RNF220: variants seen among roughly 807,000 people sequenced by gnomAD.
The protein encoded by RNF220 is E3 ubiquitin-protein ligase RNF220.
In RNF220, 7 loss-of-function variants were observed where a neutral mutation model predicts 67.1. The ratio of observed to expected loss-of-function variants is 0.10; its 90% CI spans 0.06 to 0.20. RNF220 has a LOEUF of 0.20. Ranked by LOEUF, RNF220 falls within the 10% of genes least tolerant of loss-of-function variation. The pLI, the probability that RNF220 is intolerant of heterozygous loss-of-function variation, is 1.00. For missense variants in RNF220, 565 were observed against 740.3 expected (o/e 0.76, Z 2.75); for synonymous variants, 270 against 283.2 (o/e 0.95, Z 0.47).
At chr1:44,436,004 C>T (rs1453591081) in intron 2 of RNF220, among the ~76,000 whole-genome samples, 1 of 152,088 alleles carries the variant, frequency 6.6e-6, no homozygotes, top group Non-Finnish European at 1.5e-5. Flanking sequence ...CAGCTCAGTT[C>T]TTCCCTCTGA....
chr1:44,596,034 G>C (rs1346383907), intron 2 of RNF220, among the ~76,000 whole-genome samples: 1 of 152,216 alleles, frequency 6.6e-6, no homozygotes, highest in Non-Finnish European at 1.5e-5. Flanking sequence ...AAAGTGCTGG[G>C]ATTACGGGCG....
intron 2 of RNF220, among the ~76,000 whole-genome samples, chr1:44,551,143 GGC>G (rs1662597168): frequency 1.9e-5 from 1 of 51,854 alleles, no homozygotes; most frequent in Admixed American, 2.2e-4. Flanking sequence ...TTTTTTTTGA[GGC>G]GCTCTGTCGC....
intron 2 of RNF220, among the ~76,000 whole-genome samples, chr1:44,483,416 A>C (rs1421982484): frequency 6.6e-6 from 1 of 152,210 alleles, no homozygotes; most frequent in Non-Finnish European, 1.5e-5. Flanking sequence ...TTTAGAAAGC[A>C]TCTCAACAAT....
Position 44,633,156 on chromosome 1 carries a change from G to A in RNF220, c.949+771G>A, listed in dbSNP as rs1443296451. ...CCCCAGCTCTTATCACTTGGTTTCT[G>A]CTGCCAGGCTGAGCCCTAGTCTGGA... On this transcript the variant is annotated intron_variant, in intron 6 of 14. Transcript: ENST00000361799. Among the ~76,000 whole-genome samples the A allele has an allele frequency of 2.0e-5, 3 of 152,326 alleles. No individual in the cohort carries two copies. The East Asian group carries it at 5.8e-4, about 29-fold the overall frequency.
At chr1:44,485,910 C>T (rs1230161878) in intron 2 of RNF220, among the ~76,000 whole-genome samples, 1 of 148,556 alleles carries the variant, frequency 6.7e-6, no homozygotes, top group Non-Finnish European at 1.5e-5. Flanking sequence ...AAATGTTCCC[C>T]TTATTATACC....
chr1:44,588,057 T>C (rs551229560), intron 2 of RNF220, among the ~76,000 whole-genome samples: 2 of 152,174 alleles, frequency 1.3e-5, no homozygotes, highest in South Asian at 2.1e-4. Flanking sequence ...CCCGCTAGAG[T>C]GAACACCTTA....
chr1:44,407,823 G>A (rs1647536629), intron 1 of RNF220, among the ~76,000 whole-genome samples: 1 of 152,178 alleles, frequency 6.6e-6, no homozygotes, highest in African/African-American at 2.4e-5. Context: ...GGTGGTGCGC[G>A]CGGCGGCGGG....
intron 5 of RNF220, chr1:44,627,161 A>T (rs1643974673): frequency 6.6e-6 from 1 of 151,108 alleles, no homozygotes; most frequent in African/African-American, 2.4e-5. Context: ...CCTGGCCAAC[A>T]TGGTGAAACC....
Position 44,417,485 on chromosome 1 carries a change from G to A in RNF220, c.625+4763G>A, listed in dbSNP as rs1029779412. ...TGGCTCGGCGCGCCGCTCGCCTGGC[G>A]GCTGGGCTCGCTGTAGTTGTGCTCC... On this transcript the variant is annotated intron_variant, in intron 2 of 14. Coordinates refer to ENST00000361799, the MANE Select transcript of RNF220 (RefSeq NM_018150.4). The surrounding 1 kb of genome is among the most constrained non-coding windows in gnomAD (Gnocchi z 4.0). Among the ~76,000 whole-genome samples the A allele has an allele frequency of 6.6e-6, 1 of 151,948 alleles. No homozygotes were observed. The highest frequency in any genetic ancestry group is 1.5e-5 in the Non-Finnish European group (1 of 67,984).
At chr1:44,458,812 G>A (rs1653462995) in intron 2 of RNF220, among the ~76,000 whole-genome samples, 1 of 152,236 alleles carries the variant, frequency 6.6e-6, no homozygotes, top group Non-Finnish European at 1.5e-5. Context: ...AGTGGAAGTA[G>A]TATATGTGTG....
At chr1:44,632,303 CTCTTT>C (rs756995280) in intron 5 of RNF220, 35 bp from the exon 6 acceptor site, 21 of 1,614,036 alleles carry the variant, frequency 1.3e-5, no homozygotes, top group African/African-American at 5.3e-5. Flanking sequence ...GCCTGACGCT[CTCTTT>C]TCTTTTCTTG....
At chr1:44,434,505 G>A (rs533235673) in intron 2 of RNF220, among the ~76,000 whole-genome samples, 52 of 152,118 alleles carry the variant, frequency 3.4e-4, no homozygotes, top group African/African-American at 1.2e-3. Flanking sequence ...TCAGGAGATC[G>A]AGACCATCCT....
rs1287590580 is a variant in RNF220, at chr1:44,624,494, G to A, written c.804+1707G>A. Among the ~76,000 whole-genome samples, 1 of 152,174 alleles carries A rather than the reference G, an allele frequency of 6.6e-6. No individual in the cohort carries two copies. The highest frequency in any genetic ancestry group is 2.4e-5 in the African/African-American group (1 of 41,430). On this transcript the variant is annotated intron_variant, in intron 4 of 14. Coordinates refer to ENST00000361799, the MANE Select transcript of RNF220 (RefSeq NM_018150.4). This position sits in a 1 kb window ranked among gnomAD's most constrained non-coding sequence, Gnocchi z 4.2. ...CTGAAACCACAGACACAGGCATACT[G>A]ACCATGAGACACAGAGATAAGGGAC...
chr1:44,505,313 A>G (rs1393850834), intron 2 of RNF220, among the ~76,000 whole-genome samples: 1 of 152,234 alleles, frequency 6.6e-6, no homozygotes, highest in African/African-American at 2.4e-5. Flanking sequence ...CGAGCTTTGT[A>G]GGTCCTGGCT....
chr1:44,639,296 G>A lies in RNF220; in HGVS notation c.1126+3134G>A, dbSNP rs368286791. 6.6e-5 allele frequency among the ~76,000 whole-genome samples: 10 copies of A among 152,340 alleles called. No homozygotes were observed. The East Asian group carries it at 1.3e-3, about 21-fold the overall frequency. ...CTGGATCCTGGAGAAGAGACCTATA[G>A]TGGTGAACCATGGTCCCTCCTGTGT... On this transcript the variant is annotated intron_variant, in intron 8 of 14. Transcript: ENST00000361799.
chr1:44,520,126 T>TGA (rs1265566303), intron 2 of RNF220, among the ~76,000 whole-genome samples: 488 of 132,808 alleles, frequency 3.7e-3, no homozygotes, highest in African/African-American at 1.0e-2. Flanking sequence ...TGTGTGTGTG[T>TGA]GTGAGAGAGA....
chr1:44,534,056 C>G (rs180915721), intron 2 of RNF220, among the ~76,000 whole-genome samples: 1 of 152,260 alleles, frequency 6.6e-6, no homozygotes, highest in East Asian at 1.9e-4. Flanking sequence ...ACTTACTATA[C>G]CTTGGCCTCC....
In RNF220 at chr1:44,565,608, T is replaced by A. The variant is rs746002106; in HGVS notation, c.626-48557T>A. ...GGGGAGGTTGCATGGAGGGCAAGCA[T>A]GCCCCGCAGCTGGGGAGGGTGGGGG... On this transcript the variant is annotated intron_variant, in intron 2 of 14. Coordinates refer to ENST00000361799, the MANE Select transcript of RNF220 (RefSeq NM_018150.4). This position sits in a 1 kb window ranked among gnomAD's most constrained non-coding sequence, Gnocchi z 4.2. Among the ~76,000 whole-genome samples the A allele has an allele frequency of 6.6e-5, 10 of 152,174 alleles. No individual in the cohort carries two copies. Among genetic ancestry groups the A allele is most frequent in the Non-Finnish European group, 8.8e-5 (6 of 68,016 alleles).
chr1:44,570,245 T>A (rs891282628), intron 2 of RNF220, among the ~76,000 whole-genome samples: 2 of 152,232 alleles, frequency 1.3e-5, no homozygotes, highest in Non-Finnish European at 2.9e-5. Flanking sequence ...GTGGAGGTCC[T>A]GTTCCTGACT....
Sources: allele counts gnomAD v4.1 joint callset (sites outside exome capture counted in the v4.1 genomes callset), GRCh38; gene constraint gnomAD v4.1.1; non-coding constraint Gnocchi (gnomAD v3.1); transcripts MANE v1.5; gene names NCBI Gene and HGNC (gene_info 2026-07-23, HGNC 2026-07-21).